Variants in RTN4 observed in about 807,000 individuals in gnomAD.
RTN4 encodes the protein reticulon 4.
Under a neutral mutation model 90.4 loss-of-function variants are expected in RTN4, and 32 were observed. The observed-to-expected ratio is 0.35, with a 90% CI of 0.27 to 0.48. The LOEUF (loss-of-function observed/expected upper bound fraction) is 0.48. RTN4 is among the 20% of genes least tolerant of loss of function. The pLI is 0.99. For missense variants in RTN4, 1,706 were observed against 1,430.2 expected (o/e 1.19, Z -3.11); for synonymous variants, 629 against 552.5 (o/e 1.14, Z -1.94).
At position 54,972,775 on chromosome 2, in the gene RTN4, A is replaced by C; in HGVS notation, c.*381T>G. On this transcript the variant is annotated 3_prime_UTR_variant, in exon 9 of 9. Coordinates refer to ENST00000337526, the MANE Select transcript of RTN4 (RefSeq NM_020532.5). ...GCATCAATCTACACGGACCATACAC[A>C]GTGCACAAACTGAAAAGGGCTTTTT... is the stretch of plus-strand genomic sequence containing the variant. 18 of 167,438 alleles carry C rather than the reference A, an allele frequency of 1.1e-4. No homozygotes were observed. The highest frequency in any genetic ancestry group is 1.5e-4 in the East Asian group (1 of 6,564). The allele number at this position is 167,438 out of a possible 1,614,324, so 10.4% of individuals were successfully genotyped here. A position where few individuals can be genotyped will look rare whatever the true frequency, so the allele number is the denominator to read the frequency against.
In RTN4 at chr2:55,050,084, C is replaced by T; in HGVS notation, c.217G>A (p.Ala73Thr). The change falls in exon 1 of 9, where the codon GCC becomes ACC. Residue 73 changes from alanine to threonine, a missense_variant. By Grantham distance (58) the Ala-to-Thr change is moderately conservative. Transcript: ENST00000337526. This position sits in a 1 kb window ranked among gnomAD's most constrained non-coding sequence, Gnocchi z 4.6. ...LSAAPVPTAP[A>T]AGAPLMDFGN... ...AAGTCCATCAGGGGCGCGCCGGCGG[C>T]AGGGGCGGTGGGCACTGGGGCCGCG... The T allele has an allele frequency of 2.1e-6, 3 of 1,459,960 alleles. No individual in the cohort carries two copies. The highest frequency in any genetic ancestry group is 2.7e-6 in the Non-Finnish European group (3 of 1,111,522). 90.4% of individuals were successfully genotyped at this position (1,459,960 alleles called of 1,614,324 possible). A position where few individuals can be genotyped will look rare whatever the true frequency, so the allele number is the denominator to read the frequency against.
Position 55,026,241 on chromosome 2 carries a change from A to G in RTN4, c.1858T>C (p.Leu620=), listed in dbSNP as rs79560160. The change falls in exon 3 of 9, where the codon TTG becomes CTG. Residue 620 remains leucine, a synonymous_variant. Transcript: ENST00000337526. ...CCAGCACTAGGAACTGCAGAATTCA[A>G]TGGTGCTTCCATAACAATGTCAGGC... is the stretch of plus-strand genomic sequence containing the variant. The part of the protein sequence containing the change: ...VLPDIVMEAP[L]NSAVPSAGAS... 1.5e-3 allele frequency: 2,413 copies of G among 1,613,874 alleles called. 33 individuals are homozygous for G. In the African/African-American group the frequency reaches 0.027, roughly 18 times the overall value.
chr2:54,984,062 T>C (rs1678356200), intron 4 of RTN4, among the ~76,000 whole-genome samples: 1 of 152,192 alleles, frequency 6.6e-6, no homozygotes, highest in Non-Finnish European at 1.5e-5. Flanking sequence ...ATTAATCATA[T>C]GGTTTTCCCA....
At position 55,009,863 on chromosome 2, in the gene RTN4, GACTGAAA is replaced by G. The variant is rs1356356985; in HGVS notation, c.3013+15216_3013+15222del. ...TTAGAGAACAGAACCTAAACGGCAG[GACTGAAA>G]AGACTAAACCGAATGCCAGTGAAAC... On this transcript the variant is annotated intron_variant, in intron 3 of 8. Transcript: ENST00000337526. 8.1e-3 allele frequency among the ~76,000 whole-genome samples: 1,228 copies of G among 152,292 alleles called. 12 individuals carry two copies. Among genetic ancestry groups the G allele is most frequent in the African/African-American group, 0.028 (1,176 of 41,556 alleles).
At chr2:55,134,400 G>A in the RTN4 span, among the ~76,000 whole-genome samples, 7 of 152,102 alleles carry the variant, frequency 4.6e-5, no homozygotes, top group East Asian at 1.9e-4. Flanking sequence ...GAGAAGGTCT[G>A]TGTGGGGTCC....
At chr2:55,068,680 G>C (rs1299399774) in intron 2 of RTN4, among the ~76,000 whole-genome samples, 7 of 122,932 alleles carry the variant, frequency 5.7e-5, no homozygotes, top group African/African-American at 2.1e-4. Context: ...AAAAAAAAAG[G>C]GGGGGGGGTG....
chr2:55,137,769 C>T, the RTN4 span, among the ~76,000 whole-genome samples: 1 of 152,148 alleles, frequency 6.6e-6, no homozygotes, highest in African/African-American at 2.4e-5. Flanking sequence ...TCTCATTTCC[C>T]TTCACATGGG....
intron 1 of RTN4, among the ~76,000 whole-genome samples, chr2:55,036,382 A>T (rs945067337): frequency 7.9e-5 from 12 of 151,996 alleles, no homozygotes; most frequent in African/African-American, 2.7e-4. Context: ...TGGGCAGATC[A>T]CTTGAGGCCA....
At chr2:55,001,724 C>T (rs1465145723) in intron 3 of RTN4, among the ~76,000 whole-genome samples, 4 of 152,158 alleles carry the variant, frequency 2.6e-5, no homozygotes, top group South Asian at 2.1e-4. Flanking sequence ...CACTTCAAAA[C>T]GGAGCCTCTC....
the RTN4 span, among the ~76,000 whole-genome samples, chr2:55,136,929 G>T: frequency 1.1e-4 from 17 of 152,258 alleles, no homozygotes; most frequent in Non-Finnish European, 1.9e-4. Flanking sequence ...ACGGCCTGGG[G>T]AGACCCATTT....
Position 55,042,285 on chromosome 2 carries a change from A to G in RTN4, c.556+7460T>C, listed in dbSNP as rs551991850. Among the ~76,000 whole-genome samples the G allele has an allele frequency of 2.6e-5, 4 of 152,276 alleles. No homozygotes were observed. In the East Asian group the frequency reaches 7.7e-4, roughly 29 times the overall value. On this transcript the variant is annotated intron_variant, in intron 1 of 8. Transcript: ENST00000337526. ...TGAAGCAGTAATTCTACTTGCACAG[A>G]TTTATCCTACAACATATATAATGGC...
At chr2:54,983,877 G>C (rs1678342842) in intron 4 of RTN4, among the ~76,000 whole-genome samples, 1 of 152,212 alleles carries the variant, frequency 6.6e-6, no homozygotes, top group Admixed American at 6.5e-5. Context: ...CTGTAAATTT[G>C]AGAAACAGAC....
At chr2:55,059,693 G>A (rs948150185) in intron 2 of RTN4, among the ~76,000 whole-genome samples, 3 of 151,984 alleles carry the variant, frequency 2.0e-5, no homozygotes, top group African/African-American at 7.2e-5. Context: ...AATTAGCTGG[G>A]TGTCATGGCA....
At chr2:55,022,353 G>A (rs1681505410) in intron 3 of RTN4, among the ~76,000 whole-genome samples, 1 of 152,020 alleles carries the variant, frequency 6.6e-6, no homozygotes, top group African/African-American at 2.4e-5. Context: ...CCATTCCACT[G>A]TGAACCAGCT....
chr2:55,052,268 A>G (rs570757638), upstream of RTN4, among the ~76,000 whole-genome samples: 11 of 152,182 alleles, frequency 7.2e-5, no homozygotes, highest in Non-Finnish European at 1.0e-4. Context: ...TACCACCTCA[A>G]TGCGTTATGT....
At chr2:55,060,105 G>A (rs78612969) in intron 2 of RTN4, among the ~76,000 whole-genome samples, 6,357 of 152,150 alleles carry the variant, frequency 0.042, 400 homozygotes, top group African/African-American at 0.14. Context: ...AGTAGGAGAA[G>A]GAGATAAGGT....
intron 1 of RTN4, among the ~76,000 whole-genome samples, chr2:55,028,771 G>T (rs903766670): frequency 2.1e-5 from 3 of 142,778 alleles, no homozygotes; most frequent in Non-Finnish European, 4.6e-5. Flanking sequence ...ATGTCCAAAT[G>T]CCAGAGTCCA....
At chr2:55,076,254 C>T (rs745766762) in intron 2 of RTN4, among the ~76,000 whole-genome samples, 2 of 151,944 alleles carry the variant, frequency 1.3e-5, no homozygotes, top group Non-Finnish European at 2.9e-5. Flanking sequence ...CAAACAATCC[C>T]ATCAAAAAGT....
chr2:55,126,913 C>G, the RTN4 span, among the ~76,000 whole-genome samples: 1 of 152,056 alleles, frequency 6.6e-6, no homozygotes, highest in Non-Finnish European at 1.5e-5. Flanking sequence ...AATGCAGGAA[C>G]GGAAACCCAA....
Sources: allele counts gnomAD v4.1 joint callset (sites outside exome capture counted in the v4.1 genomes callset), GRCh38; gene constraint gnomAD v4.1.1; non-coding constraint Gnocchi (gnomAD v3.1); transcripts MANE v1.5; gene names NCBI Gene and HGNC (gene_info 2026-07-23, HGNC 2026-07-21).